Variants in EYS observed in about 807,000 individuals in gnomAD.
EYS encodes EGF-like photoreceptor maintenance factor.
In EYS, 250 loss-of-function variants were observed where a neutral mutation model predicts 282.1. The observed-to-expected ratio is 0.89, with a 90% CI of 0.80 to 0.98. EYS has a LOEUF of 0.98. Among genes scored for constraint, EYS ranks in the 50% least tolerant of loss-of-function variants. EYS has a pLI of 0.00. For synonymous variants in EYS, 1,355 were observed against 1,282.9 expected (o/e 1.06, Z -1.20); for missense variants, 4,016 against 3,709.0 (o/e 1.08, Z -2.15).
chr6:64,191,482 C>CT (rs1403727921), intron 31 of EYS, among the ~76,000 whole-genome samples: 1 of 145,438 alleles, frequency 6.9e-6, no homozygotes. Context: ...TCCCTTCCCC[C>CT]CCCACCCCAA....
At chr6:63,856,575 G>A (rs144564666) in intron 36 of EYS, among the ~76,000 whole-genome samples, 113 of 152,262 alleles carry the variant, frequency 7.4e-4, no homozygotes, top group Non-Finnish European at 1.4e-3. Context: ...CCTAGGAATT[G>A]AGATGTAAAA....
At chr6:64,469,931 T>C (rs112627896) in intron 26 of EYS, among the ~76,000 whole-genome samples, 1,580 of 152,330 alleles carry the variant, frequency 0.01, 28 homozygotes, top group African/African-American at 0.036. Context: ...TAAAAGTCTC[T>C]GATATGCAAA....
intron 14 of EYS, among the ~76,000 whole-genome samples, chr6:64,977,452 A>C (rs1054263262): frequency 1.1e-4 from 16 of 151,982 alleles, no homozygotes; most frequent in Admixed American, 3.3e-4. Flanking sequence ...CCTCTGCTAA[A>C]GCTTCCCCAT....
At chr6:64,432,933 G>T (rs372681511) in intron 28 of EYS, among the ~76,000 whole-genome samples, 4 of 151,950 alleles carry the variant, frequency 2.6e-5, no homozygotes, top group African/African-American at 9.7e-5. Context: ...TTTAGTATGT[G>T]TGCTTTTAGT....
intron 15 of EYS, among the ~76,000 whole-genome samples, chr6:64,942,678 A>T (rs1193100176): frequency 6.6e-6 from 1 of 151,884 alleles, no homozygotes. Flanking sequence ...AAAAAAATTG[A>T]AATCCTGAAA....
At chr6:65,333,205 G>C (rs1417541833) in intron 11 of EYS, among the ~76,000 whole-genome samples, 1 of 151,418 alleles carries the variant, frequency 6.6e-6, no homozygotes, top group East Asian at 1.9e-4. Flanking sequence ...TCGCAGCACT[G>C]CATCACCCAC....
intron 22 of EYS, among the ~76,000 whole-genome samples, chr6:64,809,138 A>T (rs1764519957): frequency 6.6e-6 from 1 of 152,120 alleles, no homozygotes; most frequent in Admixed American, 6.6e-5. Context: ...TAGAGTTAGG[A>T]TATGAAAGTG....
At chr6:64,771,946 G>A (rs978093402) in intron 22 of EYS, among the ~76,000 whole-genome samples, 4 of 151,482 alleles carry the variant, frequency 2.6e-5, no homozygotes, top group African/African-American at 9.7e-5. Flanking sequence ...CTATTTGATT[G>A]TATTTTAAAC....
chr6:64,631,770 GAAGT>G (rs1296177341), intron 22 of EYS: 1 of 151,920 alleles, frequency 6.6e-6, no homozygotes, highest in Non-Finnish European at 1.5e-5. Flanking sequence ...TCATACAACC[GAAGT>G]AAGAAAGAAT....
intron 22 of EYS, among the ~76,000 whole-genome samples, chr6:64,790,557 G>A (rs1393886605): frequency 6.6e-6 from 1 of 151,770 alleles, no homozygotes; most frequent in African/African-American, 2.4e-5. Flanking sequence ...AAATTTCAGT[G>A]GGATTTTTCC....
chr6:65,072,545 A>G (rs72877900), intron 12 of EYS, among the ~76,000 whole-genome samples: 53 of 152,008 alleles, frequency 3.5e-4, no homozygotes, highest in Non-Finnish European at 6.5e-4. Context: ...CTTAAAGTGA[A>G]TGAAAGTTTC....
intron 8 of EYS, among the ~76,000 whole-genome samples, chr6:65,377,003 T>C (rs1765393356): frequency 6.6e-6 from 1 of 152,156 alleles, no homozygotes; most frequent in Non-Finnish European, 1.5e-5. Flanking sequence ...GGACTTGAAC[T>C]CACCTCTGGA....
chr6:65,388,581 G>A (rs1219647847), intron 7 of EYS, among the ~76,000 whole-genome samples: 1 of 151,978 alleles, frequency 6.6e-6, no homozygotes, highest in Admixed American at 6.6e-5. Flanking sequence ...AAGGATTGAA[G>A]CAAGAGGTCC....
chr6:64,364,865 A>G (rs1772135789), intron 29 of EYS, among the ~76,000 whole-genome samples: 1 of 151,968 alleles, frequency 6.6e-6, no homozygotes, highest in Non-Finnish European at 1.5e-5. Flanking sequence ...CAATATATTC[A>G]TGTAACACAA....
intron 21 of EYS, among the ~76,000 whole-genome samples, chr6:64,818,100 AT>A (rs1583189630): frequency 6.6e-6 from 1 of 152,168 alleles, no homozygotes; most frequent in African/African-American, 2.4e-5. Flanking sequence ...TATCTTAAAA[AT>A]AATACTGCTT....
At chr6:65,438,792 C>T (rs898903556) in intron 5 of EYS, among the ~76,000 whole-genome samples, 2 of 152,028 alleles carry the variant, frequency 1.3e-5, no homozygotes, top group Non-Finnish European at 2.9e-5. Flanking sequence ...AATTTTCTCC[C>T]ATTTTCTAGG....
At chr6:65,579,030 A>G (rs1239435708) in intron 2 of EYS, among the ~76,000 whole-genome samples, 1 of 152,088 alleles carries the variant, frequency 6.6e-6, no homozygotes, top group Non-Finnish European at 1.5e-5. Context: ...AAGAAAACAC[A>G]TTTTGTCCAG....
chr6:65,470,423 TTTTAA>T (rs1250480077), intron 5 of EYS, among the ~76,000 whole-genome samples: 1 of 152,162 alleles, frequency 6.6e-6, no homozygotes, highest in South Asian at 2.1e-4. Context: ...TTTAATTCAA[TTTTAA>T]TTTAATATAT....
At chr6:64,141,643 A>C (rs1436190724) in intron 31 of EYS, among the ~76,000 whole-genome samples, 1 of 152,220 alleles carries the variant, frequency 6.6e-6, no homozygotes, top group Non-Finnish European at 1.5e-5. Context: ...ATTTAAATTC[A>C]TAAGATATAA....
Sources: gnomAD v4.1 joint callset for allele counts (sites outside exome capture counted in the v4.1 genomes callset) on GRCh38, gnomAD v4.1.1 for gene constraint, MANE v1.5 for transcripts, NCBI Gene and HGNC (gene_info 2026-07-23, HGNC 2026-07-21) for gene names.